Variants in ALX4 observed in about 807,000 individuals in gnomAD.
ALX4 encodes the protein ALX homeobox 4.
ALX4 carries 22 observed loss-of-function variants against 40.6 expected under a neutral mutation model. The ratio of observed to expected loss-of-function variants is 0.54; its 90% CI spans 0.39 to 0.77. The LOEUF (loss-of-function observed/expected upper bound fraction) is 0.77. Ranked by LOEUF, ALX4 falls within the 30% of genes least tolerant of loss-of-function variation. The pLI is 0.00. For synonymous variants in ALX4, 266 were observed against 240.5 expected, an observed-to-expected ratio of 1.11 and a Z score of -0.98; for missense variants, 556 against 564.8, an observed-to-expected ratio of 0.98 and a Z score of 0.16.
intron 2 of ALX4, among the ~76,000 whole-genome samples, chr11:44,271,936 G>A (rs1956249915): frequency 6.6e-6 from 1 of 152,174 alleles, no homozygotes; most frequent in Admixed American, 6.5e-5. Flanking sequence ...AAAAGGAACA[G>A]GTTTATCCCA....
At chr11:44,272,589 T>C (rs1244989469) in intron 2 of ALX4, among the ~76,000 whole-genome samples, 6 of 151,660 alleles carry the variant, frequency 4.0e-5, no homozygotes, top group Admixed American at 2.6e-4. Context: ...GTGCACCACT[T>C]GAGGTCATGA....
At position 44,275,567 on chromosome 11, in the gene ALX4, C is replaced by T; in HGVS notation, c.558G>A (p.Gly186=). Residue 186 remains glycine (G), a synonymous_variant, in exon 2 of 4, where the codon GGG becomes GGA. Transcript: ENST00000652299. ...DSSYLSVKEA[G]VKGPQDRASS... is the part of the protein sequence containing the mutation. ...TGGCCCGGTCCTGGGGCCCCTTCAC[C>T]CCAGCCTCCTTGACACTCAGGTAGC... The T allele has an allele frequency of 1.2e-6, 2 of 1,614,148 alleles. No homozygotes were observed. The highest frequency in any genetic ancestry group is 1.7e-6 in the Non-Finnish European group (2 of 1,180,014).
At chr11:44,296,736 C>T (rs1956404631) in intron 1 of ALX4, among the ~76,000 whole-genome samples, 4 of 151,692 alleles carry the variant, frequency 2.6e-5, no homozygotes, top group Admixed American at 6.6e-5. Flanking sequence ...AGGCCAGGTG[C>T]GGTGGCTCAC....
rs144993362 is a variant in ALX4 at position 44,290,181 on chromosome 11, G to C, written c.467-14523C>G. On this transcript the variant is annotated intron_variant, in intron 1 of 3. Coordinates refer to ENST00000652299, the MANE Select transcript of ALX4 (RefSeq NM_021926.4). ...TCTCACTTAATTCCCCCAAGCCTCTGTTTCCCTTCTGTAGCAGAAAGAATC... is the reference window on the plus strand; with the variant it reads ...TCTCACTTAATTCCCCCAAGCCTCTCTTTCCCTTCTGTAGCAGAAAGAATC... Among the ~76,000 whole-genome samples the C allele has an allele frequency of 2.6e-5, 4 of 152,332 alleles. No individual in the cohort carries two copies. In the East Asian group the frequency reaches 7.7e-4, roughly 29 times the overall value.
At chr11:44,306,139 C>T (rs1247787396) in intron 1 of ALX4, among the ~76,000 whole-genome samples, 1 of 152,212 alleles carries the variant, frequency 6.6e-6, no homozygotes, top group Non-Finnish European at 1.5e-5. Context: ...ATGGTGAAGT[C>T]TTGGGTTGCA....
In ALX4 at chr11:44,275,453, G is replaced by A. The variant is rs1252048633; in HGVS notation, c.672C>T (p.Tyr224=). ...KRRNRTTFTS[Y]QLEELEKVFQ... ...AGACCTTCTCCAGCTCCTCCAGCTG[G>A]TAGCTGGTGAAGGTGGTCCGGTTCC... is the stretch of plus-strand genomic sequence containing the variant. The change falls in exon 2 of 4, where the codon TAC becomes TAT. Residue 224 remains tyrosine (Y), a synonymous_variant. Coordinates refer to ENST00000652299, the MANE Select transcript of ALX4 (RefSeq NM_021926.4). The A allele has an allele frequency of 6.2e-7, 1 of 1,614,186 alleles. No individual in the cohort carries two copies. Among genetic ancestry groups the A allele is most frequent in the African/African-American group, 1.3e-5 (1 of 75,040 alleles).
At chr11:44,300,678 C>T (rs1045956477) in intron 1 of ALX4, among the ~76,000 whole-genome samples, 4 of 152,228 alleles carry the variant, frequency 2.6e-5, no homozygotes, top group African/African-American at 9.6e-5. Context: ...CCAGGTGGGA[C>T]AGGGCCAAAG....
chr11:44,291,853 C>T (rs1956371330), intron 1 of ALX4, among the ~76,000 whole-genome samples: 2 of 152,220 alleles, frequency 1.3e-5, no homozygotes, highest in African/African-American at 4.8e-5. Context: ...GAGTCTCGCT[C>T]TGTCACCCAG....
chr11:44,304,402 T>C (rs934979512), intron 1 of ALX4, among the ~76,000 whole-genome samples: 7 of 152,128 alleles, frequency 4.6e-5, no homozygotes, highest in African/African-American at 1.4e-4. Flanking sequence ...AAGTTCTCTC[T>C]GGTTAAGCGT....
intron 1 of ALX4, among the ~76,000 whole-genome samples, chr11:44,282,215 CAAG>C (rs1036058114): frequency 1.3e-5 from 2 of 152,244 alleles, no homozygotes; most frequent in African/African-American, 4.8e-5. Context: ...ACACTTCACC[CAAG>C]AAGATCTACA....
intron 1 of ALX4, among the ~76,000 whole-genome samples, chr11:44,283,015 G>A (rs887038130): frequency 3.3e-5 from 5 of 152,130 alleles, no homozygotes; most frequent in South Asian, 4.1e-4. Context: ...AGGCAGAGGC[G>A]GATGGTGGAT....
chr11:44,260,786 C>A lies in ALX4; in HGVS notation c.*4068G>T, dbSNP rs1355478412. The stretch of plus-strand genomic sequence containing the variant: ...TATATTTTTAATATTCCACCCCAGG[C>A]CATTAAGCTAAAGGAAAAGTTGCAT... On this transcript the variant is annotated 3_prime_UTR_variant, in exon 4 of 4. Coordinates refer to ENST00000652299, the MANE Select transcript of ALX4 (RefSeq NM_021926.4). The A allele has an allele frequency of 4.0e-5, 6 of 151,844 alleles. No individual in the cohort carries two copies. The highest frequency in any genetic ancestry group is 1.3e-4 in the Admixed American group (2 of 15,256). The allele number at this position is 151,844 out of a possible 1,614,324, so 9.4% of individuals were successfully genotyped here. A position where few individuals can be genotyped will look rare whatever the true frequency, so the allele number is the denominator to read the frequency against.
At chr11:44,307,374 C>T (rs986350774) in intron 1 of ALX4, among the ~76,000 whole-genome samples, 50 of 152,184 alleles carry the variant, frequency 3.3e-4, no homozygotes, top group African/African-American at 1.1e-3. Flanking sequence ...TCCGTCAGCT[C>T]CAAAGGCTAG....
intron 1 of ALX4, among the ~76,000 whole-genome samples, chr11:44,299,469 T>G (rs1956422924): frequency 6.7e-6 from 1 of 149,124 alleles, no homozygotes; most frequent in Non-Finnish European, 1.5e-5. Context: ...CACACCATTC[T>G]CCTGCCTCAG....
At chr11:44,270,816 G>T (rs906105768) in intron 2 of ALX4, among the ~76,000 whole-genome samples, 1 of 152,208 alleles carries the variant, frequency 6.6e-6, no homozygotes, top group South Asian at 2.1e-4. Context: ...CCCGAGGACC[G>T]GGCTGTGCAA....
intron 1 of ALX4, among the ~76,000 whole-genome samples, chr11:44,285,829 C>T (rs777133394): frequency 6.6e-6 from 1 of 152,186 alleles, no homozygotes; most frequent in Admixed American, 6.5e-5. Flanking sequence ...CACTGAATCC[C>T]CTGCTTTACA....
intron 2 of ALX4, among the ~76,000 whole-genome samples, chr11:44,274,415 A>ATTGGG (rs1326563785): frequency 2.8e-4 from 40 of 144,654 alleles, no homozygotes; most frequent in African/African-American, 1.0e-3. Flanking sequence ...GTTGAGTTCT[A>ATTGGG]TTGGGTTGTG....
chr11:44,309,891 C>A lies in ALX4; in HGVS notation c.172G>T (p.Gly58Trp). Residue 58 changes from glycine to tryptophan, a missense_variant, in exon 1 of 4, where the codon GGG (glycine) becomes TGG (tryptophan). By Grantham distance (184) the Gly-to-Trp change is radical (BLOSUM62 -2). Transcript: ENST00000652299. ...LSAAAKAQGF[G>W]DAKSRARYGA... ...TAACGGGCCCGGCTCTTGGCGTCCC[C>A]GAATCCCTGTGCTTTGGCGGCGGCC... 6.3e-7 allele frequency: 1 copy of A among 1,581,618 alleles called. No homozygotes were observed. The highest frequency in any genetic ancestry group is 8.6e-7 in the Non-Finnish European group (1 of 1,163,182).
Position 44,310,087 on chromosome 11 carries a change from G to A in ALX4, c.-25C>T, listed in dbSNP as rs901312887. 3.8e-6 allele frequency: 6 copies of A among 1,560,434 alleles called. No individual in the cohort carries two copies. The highest frequency in any genetic ancestry group is 2.7e-5 in the African/African-American group (2 of 73,780). On this transcript the variant is annotated 5_prime_UTR_variant, in exon 1 of 4. Transcript: ENST00000652299. ...TGCCTGGCTTGCGCAGGCGGCGGGC[G>A]GGGACGCGAGCGAGGGCGCGAGGAC...
Sources: gnomAD v4.1 joint callset for allele counts (sites outside exome capture counted in the v4.1 genomes callset) on GRCh38, gnomAD v4.1.1 for gene constraint, MANE v1.5 for transcripts, NCBI Gene and HGNC (gene_info 2026-07-23, HGNC 2026-07-21) for gene names.